Variants in MPI observed in about 807,000 individuals in gnomAD.
MPI encodes mannose phosphate isomerase.
Under a neutral mutation model 40.1 loss-of-function variants are expected in MPI, and 33 were observed. That is an observed-to-expected ratio of 0.82 (90% CI 0.62 to 1.10). The LOEUF (loss-of-function observed/expected upper bound fraction) is 1.10, where lower values mean the gene tolerates loss of function less well. Ranked by LOEUF, MPI falls within the 50% of genes least tolerant of loss-of-function variation. The pLI is 0.00. For missense variants in MPI, 514 were observed against 524.1 expected, an observed-to-expected ratio of 0.98 and a Z score of 0.19; for synonymous variants, 187 against 207.4, an observed-to-expected ratio of 0.90 and a Z score of 0.85.
rs773217356 is a variant in MPI, at chr15:74,890,504, G to A, written c.17-23G>A. The A allele has an allele frequency of 5.6e-6, 9 of 1,613,808 alleles. 1 individual carries two copies. In the South Asian group the frequency reaches 8.8e-5, roughly 16 times the overall value. ...GTGGGGCCTGAGGAGTGGAGTGGCA[G>A]CTGACCCTGTCTGTGCCCCTAGTAT... is the stretch of plus-strand genomic sequence containing the variant. On this transcript the variant is annotated intron_variant, in intron 1 of 7. Coordinates refer to ENST00000352410, the MANE Select transcript of MPI (RefSeq NM_002435.3).
chr15:74,896,810 ATGACTCCCCTC>A, intron 6 of MPI, 190 bp from the exon 7 acceptor site: 1 of 663,184 alleles, frequency 1.5e-6, no homozygotes, highest in South Asian at 1.7e-5. Flanking sequence ...AGGGGTTAAC[ATGACTCCCCTC>A]TGACAATAAT....
Position 74,891,425 on chromosome 15 carries a change from A to G in MPI, c.191A>G (p.Asn64Ser). Residue 64 changes from asparagine to serine, a missense_variant, in exon 3 of 8, where the codon AAC becomes AGC. By Grantham distance (46) the Asn-to-Ser change is conservative (BLOSUM62 1). Coordinates refer to ENST00000352410, the MANE Select transcript of MPI (RefSeq NM_002435.3). ...CGAGGGGATGCCAAGATCCTTGACA[A>G]CCGCATCTCACAGAAGACCCTAAGC... ...HPRGDAKILDNRISQKTLSQW... is the reference protein window; with the variant it reads ...HPRGDAKILDSRISQKTLSQW... 4 of 1,614,222 alleles carry G rather than the reference A, an allele frequency of 2.5e-6. No homozygotes were observed. The highest frequency in any genetic ancestry group is 3.4e-6 in the Non-Finnish European group (4 of 1,180,038).
In MPI at chr15:74,891,595, C is replaced by G; in HGVS notation, c.345+16C>G. On this transcript the variant is annotated intron_variant, in intron 3 of 7. Transcript: ENST00000352410. ...CCCTAACAAGGTAAAGGACAGAGTGCGGTGCAGAGGTCAGGGTACAGAAGG... is the reference window on the plus strand; with the variant it reads ...CCCTAACAAGGTAAAGGACAGAGTGGGGTGCAGAGGTCAGGGTACAGAAGG... 6.2e-7 allele frequency: 1 copy of G among 1,612,722 alleles called. No homozygotes were observed. Among genetic ancestry groups the G allele is most frequent in the South Asian group, 1.1e-5 (1 of 91,038 alleles).
rs1341464513 is a variant in MPI at position 74,898,011 on chromosome 15, TC to T, written c.*283del. The T allele has an allele frequency of 2.0e-6, 1 of 501,150 alleles. No individual in the cohort carries two copies. Among genetic ancestry groups the T allele is most frequent in the Admixed American group, 3.1e-5 (1 of 31,856 alleles). 31.0% of individuals were successfully genotyped at this position (501,150 alleles called of 1,614,324 possible). A position where few individuals can be genotyped will look rare whatever the true frequency, so the allele number is the denominator to read the frequency against. ...TGAGCCAGGCTCTTGCCAACTCTGT[TC>T]CAGCCTATGGCTTTAGGCTAGCTGT... On this transcript the variant is annotated 3_prime_UTR_variant, in exon 8 of 8. Transcript: ENST00000352410.
Position 74,897,978 on chromosome 15 carries a change from G to A in MPI, c.*248G>A, listed in dbSNP as rs769538927. The A allele has an allele frequency of 5.4e-5, 30 of 557,382 alleles. No homozygotes were observed. The highest frequency in any genetic ancestry group is 8.5e-5 in the Non-Finnish European group (26 of 304,348). 34.5% of individuals were successfully genotyped at this position (557,382 alleles called of 1,614,324 possible). A position where few individuals can be genotyped will look rare whatever the true frequency, so the allele number is the denominator to read the frequency against. Reference sequence around the variant, plus strand: ...CCTTTGTCTTCCCTCTCTACTCCTCGCTACACCTGAGCCAGGCTCTTGCCA... The same window carrying A: ...CCTTTGTCTTCCCTCTCTACTCCTCACTACACCTGAGCCAGGCTCTTGCCA... On this transcript the variant is annotated 3_prime_UTR_variant, in exon 8 of 8. Transcript: ENST00000352410.
chr15:74,898,542 T>C lies in MPI; in HGVS notation c.*812T>C, dbSNP rs2064857847. Reference sequence around the variant, plus strand: ...AAGACTCTTCGCTCCTGTTTTTCTCTTTTTTTTTTTTTTGAGACGGAGTCT... The same window carrying C: ...AAGACTCTTCGCTCCTGTTTTTCTCCTTTTTTTTTTTTTGAGACGGAGTCT... On this transcript the variant is annotated 3_prime_UTR_variant, in exon 8 of 8. Coordinates refer to ENST00000352410, the MANE Select transcript of MPI (RefSeq NM_002435.3). The C allele has an allele frequency of 1.5e-5, 2 of 135,712 alleles. No homozygotes were observed. Among genetic ancestry groups the C allele is most frequent in the Non-Finnish European group, 3.3e-5 (2 of 61,000 alleles). The allele number at this position is 135,712 out of a possible 1,614,324, so 8.4% of individuals were successfully genotyped here. A position where few individuals can be genotyped will look rare whatever the true frequency, so the allele number is the denominator to read the frequency against.
rs2064705512 is a variant in MPI at position 74,890,359 on chromosome 15, A to ATCT, written c.17-168_17-167insTCT. 5.6e-5 allele frequency: 52 copies of ATCT among 936,770 alleles called. No individual in the cohort carries two copies. The South Asian group carries it at 7.6e-4, about 14-fold the overall frequency. 58.0% of individuals were successfully genotyped at this position (936,770 alleles called of 1,614,324 possible). ...AGGTCCTTACTGCTGCCCATCTGAC[A>ATCT]GTTGGGAACATCGAGGCCTGCAGCG... On this transcript the variant is annotated intron_variant, in intron 1 of 7. Transcript: ENST00000352410.
chr15:74,897,001 G>C lies in MPI; in HGVS notation c.845-10G>C, dbSNP rs748693066. The C allele has an allele frequency of 9.9e-6, 16 of 1,613,876 alleles. No homozygotes were observed. In the East Asian group the frequency reaches 1.3e-4, roughly 13 times the overall value. On this transcript the variant is annotated splice_polypyrimidine_tract_variant and intron_variant, in intron 6 of 7. Transcript: ENST00000352410. ...TTCATCAGCTTAGCACATGACGACT[G>C]TCTCTCCAGACTGCGTGGAGTGCAT...
chr15:74,896,736 T>C lies in MPI; in HGVS notation c.845-275T>C. 3.3e-6 allele frequency: 2 copies of C among 611,650 alleles called. 1 individual carries two copies. Among genetic ancestry groups the C allele is most frequent in the South Asian group, 3.9e-5 (2 of 51,452 alleles). The allele number at this position is 611,650 out of a possible 1,614,324, so 37.9% of individuals were successfully genotyped here. ...CGACTGTTGGCTGCTTATCCACACA[T>C]GCCTCATGCACAGGATTCTGGGGTA... is the stretch of plus-strand genomic sequence containing the variant. On this transcript the variant is annotated intron_variant, in intron 6 of 7. Transcript: ENST00000352410.
rs745637841 is a variant in MPI at position 74,893,280 on chromosome 15, G to A, written c.630G>A (p.Val210=). The change falls in exon 5 of 8, where the codon GTG becomes GTA. Residue 210 remains valine, a synonymous_variant. Transcript: ENST00000352410. ...HLMKSEKKVV[V]EQLNLLVKRI... is the part of the protein sequence containing the mutation. ...TGAAGAGTGAGAAGAAGGTGGTGGT[G>A]GAACAGCTCAACCTGTTGGTGAAGC... 7 of 1,614,100 alleles carry A rather than the reference G, an allele frequency of 4.3e-6. No homozygotes were observed. In the South Asian group the frequency reaches 4.4e-5, roughly 10 times the overall value.
At chr15:74,890,203 T>G (rs1025389382) in intron 1 of MPI, 114 bp downstream of exon 1, 2 of 1,472,708 alleles carry the variant, frequency 1.4e-6, no homozygotes, top group Non-Finnish European at 1.9e-6. Context: ...GAAAGATGGG[T>G]GGGTGCCGGG....
intron 5 of MPI, chr15:74,895,801 T>A (rs989115410): frequency 4.8e-5 from 13 of 271,688 alleles, no homozygotes; most frequent in Non-Finnish European, 9.4e-5. Context: ...TACACATCCA[T>A]CAGTACACAG....
chr15:74,894,837 A>G (rs961663625), intron 5 of MPI, among the ~76,000 whole-genome samples: 22 of 151,992 alleles, frequency 1.4e-4, no homozygotes, highest in Non-Finnish European at 7.4e-5. Flanking sequence ...AAATTAAAGA[A>G]GTCCACCCTT....
At chr15:74,896,430 C>G in intron 6 of MPI, 105 bp downstream of exon 6, 1 of 1,332,050 alleles carries the variant, frequency 7.5e-7, no homozygotes, top group South Asian at 1.2e-5. Context: ...CCCCAAGGAC[C>G]TTGCAGCTCT....
intron 7 of MPI, 83 bp from the exon 8 acceptor site, chr15:74,897,429 C>G: frequency 7.0e-7 from 1 of 1,424,426 alleles, no homozygotes; most frequent in Non-Finnish European, 9.8e-7. Context: ...AGCTCTCCCT[C>G]GTGCCCTGGG....
Position 74,890,658 on chromosome 15 carries a change from A to G in MPI, c.144+4A>G, listed in dbSNP as rs747894014. ...AGAGGACAAGCCTTATGCAGAGGTG[A>G]GCCCCGGGCTGTATTTCAGCCCACT... On this transcript the variant is annotated splice_donor_region_variant and intron_variant, in intron 2 of 7. Coordinates refer to ENST00000352410, the MANE Select transcript of MPI (RefSeq NM_002435.3). 1.1e-5 allele frequency: 18 copies of G among 1,613,536 alleles called. No individual in the cohort carries two copies. Among genetic ancestry groups the G allele is most frequent in the Non-Finnish European group, 1.5e-5 (18 of 1,180,018 alleles).
At chr15:74,891,299 C>T in intron 2 of MPI, 80 bp from the exon 3 acceptor site, 1 of 1,343,698 alleles carries the variant, frequency 7.4e-7, no homozygotes, top group Non-Finnish European at 1.1e-6. Flanking sequence ...GTGGGGAGCA[C>T]AGCATAACGG....
Position 74,898,541 on chromosome 15 carries a change from CTTT to C in MPI, c.*823_*825del, listed in dbSNP as rs1023381946. ...CAAGACTCTTCGCTCCTGTTTTTCT[CTTT>C]TTTTTTTTTTTGAGACGGAGTCTCG... On this transcript the variant is annotated 3_prime_UTR_variant, in exon 8 of 8. Transcript: ENST00000352410. 4 of 143,286 alleles carry C rather than the reference CTTT, an allele frequency of 2.8e-5. No individual in the cohort carries two copies. The highest frequency in any genetic ancestry group is 7.0e-5 in the Admixed American group (1 of 14,304). The allele number at this position is 143,286 out of a possible 1,614,324, so 8.9% of individuals were successfully genotyped here. A position where few individuals can be genotyped will look rare whatever the true frequency, so the allele number is the denominator to read the frequency against.
Position 74,891,362 on chromosome 15 carries a change from GTTTCCTGTCT to G in MPI, c.145-14_145-5del, listed in dbSNP as rs1477454490. On this transcript the variant is annotated splice_region_variant and splice_polypyrimidine_tract_variant and intron_variant, in intron 2 of 7. Coordinates refer to ENST00000352410, the MANE Select transcript of MPI (RefSeq NM_002435.3). ...GGTTTCTTCCCCCTTCCCCTCCCAAGTTTCCTGTCTTTCCAGTTGTGGATGGGGACTCACC... is the reference window on the plus strand; with the variant it reads ...GGTTTCTTCCCCCTTCCCCTCCCAAGTTCCAGTTGTGGATGGGGACTCACC... 5 of 1,613,366 alleles carry G rather than the reference GTTTCCTGTCT, an allele frequency of 3.1e-6. No homozygotes were observed. Among genetic ancestry groups the G allele is most frequent in the African/African-American group, 1.3e-5 (1 of 74,904 alleles).
Sources: gnomAD v4.1 joint callset for allele counts (sites outside exome capture counted in the v4.1 genomes callset) on GRCh38, gnomAD v4.1.1 for gene constraint, MANE v1.5 for transcripts, NCBI Gene and HGNC (gene_info 2026-07-23, HGNC 2026-07-21) for gene names.